The following KSR1 variants were observed in gnomAD, a reference collection of about 807,000 sequenced individuals.
KSR1 encodes the protein kinase suppressor of ras 1, also known as kinase suppressor of ras.
A neutral mutation model predicts 92.9 loss-of-function variants in KSR1; 35 were observed. The observed-to-expected ratio is 0.38, with a 90% confidence interval of 0.29 to 0.50. The LOEUF (loss-of-function observed/expected upper bound fraction) is 0.50, where lower values mean the gene tolerates loss of function less well. Among genes scored for constraint, KSR1 ranks in the 20% least tolerant of loss-of-function variants. The probability of loss-of-function intolerance (pLI) is 0.94; values close to 1 mark genes in which losing one functional copy is unlikely to be tolerated. For missense variants in KSR1, 972 were observed against 1,158.5 expected (o/e 0.84, Z 2.34); for synonymous variants, 467 against 472.6 (o/e 0.99, Z 0.15).
chr17:27,462,431 G>T (rs2019489443), intron 1 of KSR1, among the ~76,000 whole-genome samples: 1 of 152,208 alleles, frequency 6.6e-6, no homozygotes, highest in Non-Finnish European at 1.5e-5. Flanking sequence ...AGATGTTTGG[G>T]CTTCCTGGTG....
chr17:27,516,610 A>T (rs1157561410), intron 1 of KSR1, among the ~76,000 whole-genome samples: 1 of 152,124 alleles, frequency 6.6e-6, no homozygotes, highest in Non-Finnish European at 1.5e-5. Flanking sequence ...GAAACTTTGA[A>T]AAGCATGAAA....
At chr17:27,557,121 CA>C (rs1469914883) in intron 2 of KSR1, among the ~76,000 whole-genome samples, 1 of 152,132 alleles carries the variant, frequency 6.6e-6, no homozygotes, top group African/African-American at 2.4e-5. Context: ...AAACCTGGCC[CA>C]GGGGGTGGGG....
At chr17:27,533,194 C>G (rs1032933845) in intron 1 of KSR1, among the ~76,000 whole-genome samples, 15 of 152,126 alleles carry the variant, frequency 9.9e-5, no homozygotes, top group African/African-American at 3.6e-4. Context: ...GGGACTGTTC[C>G]TCATCCTCAG....
At chr17:27,554,291 C>T (rs2071509614) in intron 2 of KSR1, among the ~76,000 whole-genome samples, 1 of 152,170 alleles carries the variant, frequency 6.6e-6, no homozygotes, top group African/African-American at 2.4e-5. Context: ...AGCATTCCAA[C>T]AATGGAACGC....
At chr17:27,492,435 T>C (rs149862300) in intron 1 of KSR1, among the ~76,000 whole-genome samples, 2 of 152,316 alleles carry the variant, frequency 1.3e-5, no homozygotes, top group Non-Finnish European at 2.9e-5. Flanking sequence ...CAGGCATCCA[T>C]AGGCAAGATC....
chr17:27,605,555 T>C lies in KSR1; in HGVS notation c.1736T>C (p.Val579Ala), dbSNP rs1017634040. 6.3e-7 allele frequency: 1 copy of C among 1,595,248 alleles called. No individual in the cohort carries two copies. Among genetic ancestry groups the C allele is most frequent in the Non-Finnish European group, 8.5e-7 (1 of 1,171,678 alleles). Residue 579 changes from valine to alanine, a missense_variant, in exon 14 of 21, where the codon GTG (valine) becomes GCG (alanine). Val to Ala is a moderately conservative substitution (Grantham distance 64). Transcript: ENST00000644974. ...PISRKASQTS[V>A]YLQEWDIPFE... is the part of the protein sequence containing the mutation. ...TCTCGCAAGGCCAGCCAGACCAGCG[T>C]GTACCTGCAGGAGTGGGACATCCCC...
chr17:27,520,854 G>A (rs1258256039), intron 1 of KSR1, among the ~76,000 whole-genome samples: 1 of 152,276 alleles, frequency 6.6e-6, no homozygotes, highest in African/African-American at 2.4e-5. Context: ...CTGAAAGCAG[G>A]TAGCTGGAGG....
intron 3 of KSR1, among the ~76,000 whole-genome samples, chr17:27,580,859 C>T (rs918120176): frequency 3.3e-5 from 5 of 152,170 alleles, no homozygotes; most frequent in African/African-American, 1.2e-4. Context: ...CTCTGCCTCC[C>T]GGGTTCAAGC....
At position 27,582,884 on chromosome 17, in the gene KSR1, C is replaced by T. The variant is rs1208315198; in HGVS notation, c.759C>T (p.Pro253=). The T allele has an allele frequency of 6.8e-6, 11 of 1,613,340 alleles. No homozygotes were observed. Among genetic ancestry groups the T allele is most frequent in the Non-Finnish European group, 9.3e-6 (11 of 1,179,650 alleles). Reference sequence around the variant, plus strand: ...AGGGCCTCTCAGACACCTGTATTCCCCTGCACGCCAGCGGCCGGCTGACCC... The same window carrying T: ...AGGGCCTCTCAGACACCTGTATTCCTCTGCACGCCAGCGGCCGGCTGACCC... The part of the protein sequence containing the change: ...FSEGLSDTCI[P]LHASGRLTPR... The change falls in exon 4 of 21, where the codon CCC becomes CCT. Residue 253 remains proline (P), a synonymous_variant. Coordinates refer to ENST00000644974, the MANE Select transcript of KSR1 (RefSeq NM_001394583.1).
At chr17:27,487,856 C>T (rs1022963864) in intron 1 of KSR1, among the ~76,000 whole-genome samples, 3 of 152,128 alleles carry the variant, frequency 2.0e-5, no homozygotes, top group Non-Finnish European at 2.9e-5. Context: ...CAACAACCAG[C>T]TCTCACCTCT....
intron 20 of KSR1, chr17:27,622,861 C>T: frequency 5.2e-6 from 1 of 193,014 alleles, no homozygotes; most frequent in Non-Finnish European, 1.1e-5. Flanking sequence ...GGAATGGGGC[C>T]CTAGGAATTT....
intron 1 of KSR1, among the ~76,000 whole-genome samples, chr17:27,507,343 G>A (rs2069422437): frequency 6.6e-6 from 1 of 152,026 alleles, no homozygotes; most frequent in African/African-American, 2.4e-5. Context: ...TGAGGCAGAA[G>A]AATTGCTTGA....
chr17:27,597,820 G>A (rs2073403185), intron 10 of KSR1, among the ~76,000 whole-genome samples: 1 of 152,206 alleles, frequency 6.6e-6, no homozygotes. Flanking sequence ...CAGCAACACA[G>A]GGAGCTAGAA....
At chr17:27,594,044 C>T (rs945214531) in intron 9 of KSR1, among the ~76,000 whole-genome samples, 1 of 152,134 alleles carries the variant, frequency 6.6e-6, no homozygotes, top group African/African-American at 2.4e-5. Context: ...GCTAGGGTTT[C>T]AGCATGTGAG....
At chr17:27,537,496 G>T (rs1412020648) in intron 1 of KSR1, among the ~76,000 whole-genome samples, 1 of 152,174 alleles carries the variant, frequency 6.6e-6, no homozygotes, top group Admixed American at 6.5e-5. Context: ...TTTGAGACCA[G>T]CCTGGCCAAC....
chr17:27,456,665 G>A lies in KSR1; in HGVS notation c.22G>A (p.Ala8Thr), dbSNP rs1187090720. 6.2e-6 allele frequency: 4 copies of A among 648,862 alleles called. No individual in the cohort carries two copies. The highest frequency in any genetic ancestry group is 5.3e-6 in the Non-Finnish European group (2 of 377,182). 40.2% of individuals were successfully genotyped at this position (648,862 alleles called of 1,614,324 possible). The change falls in exon 1 of 21, where the codon GCG (alanine) becomes ACG (threonine). Residue 8 changes from alanine to threonine, a missense_variant. Ala to Thr is a moderately conservative substitution (Grantham distance 58). Around this residue, in one of 5 missense-constraint regions of KSR1, gnomAD observed 36 missense variants for 16.0 expected, o/e 2.25. Coordinates refer to ENST00000644974, the MANE Select transcript of KSR1 (RefSeq NM_001394583.1). ...AGGCATGGATAGAGCAGCGCTGCGC[G>A]CGGCGGCGATGGGAGAGAAGAAGGA... MDRAALRAAAMGEKKEGG... is the reference protein window; with the variant it reads MDRAALRTAAMGEKKEGG...
At chr17:27,472,427 G>A (rs1441356983) in intron 1 of KSR1, among the ~76,000 whole-genome samples, 3 of 152,204 alleles carry the variant, frequency 2.0e-5, no homozygotes, top group Non-Finnish European at 4.4e-5. Context: ...GCCCCGGGGG[G>A]CTCTGATGTC....
At chr17:27,518,436 T>G (rs911521636) in intron 1 of KSR1, among the ~76,000 whole-genome samples, 5 of 152,234 alleles carry the variant, frequency 3.3e-5, no homozygotes, top group Non-Finnish European at 7.3e-5. Flanking sequence ...CTTTCCGTCC[T>G]TTCTTTTGGA....
At chr17:27,586,079 C>T (rs991057696) in intron 5 of KSR1, 2 of 208,862 alleles carry the variant, frequency 9.6e-6, no homozygotes, top group Non-Finnish European at 1.9e-5. Flanking sequence ...CACCTGATGT[C>T]CTGGGATCCC....
Sources: allele counts gnomAD v4.1 joint callset (sites outside exome capture counted in the v4.1 genomes callset), GRCh38; gene constraint gnomAD v4.1.1; regional missense constraint gnomAD v4.1.1; transcripts MANE v1.5; gene names NCBI Gene and HGNC (gene_info 2026-07-23, HGNC 2026-07-21).